GRIP1: variants seen among roughly 807,000 people sequenced by gnomAD.
GRIP1 encodes the protein glutamate receptor-interacting protein 1.
A neutral mutation model predicts 129.9 loss-of-function variants in GRIP1; 45 were observed. The ratio of observed to expected loss-of-function variants is 0.35; its 90% CI spans 0.27 to 0.44. The LOEUF is 0.44. Among genes scored for constraint, GRIP1 ranks in the 20% least tolerant of loss-of-function variants. The pLI is 1.00. For missense variants in GRIP1, 1,196 were observed against 1,396.8 expected (o/e 0.86, Z 2.29); for synonymous variants, 530 against 520.8 (o/e 1.02, Z -0.24).
At chr12:66,565,769 T>G (rs1256549114) in intron 2 of GRIP1, among the ~76,000 whole-genome samples, 1 of 152,166 alleles carries the variant, frequency 6.6e-6, no homozygotes, top group African/African-American at 2.4e-5. Flanking sequence ...ATGGAATGTT[T>G]TTCCATTTGT....
At chr12:66,603,750 G>A (rs910007041) in intron 1 of GRIP1, among the ~76,000 whole-genome samples, 1 of 152,180 alleles carries the variant, frequency 6.6e-6, no homozygotes, top group African/African-American at 2.4e-5. Context: ...AAATGGAAAG[G>A]AAACTGTTGT....
At chr12:66,630,286 T>G (rs926623212) in intron 1 of GRIP1, 1 of 151,812 alleles carries the variant, frequency 6.6e-6, no homozygotes, top group African/African-American at 2.4e-5. Context: ...GAGGCAGAGG[T>G]TGAACCAGGA....
At chr12:66,611,240 A>C (rs1254103153) in intron 1 of GRIP1, among the ~76,000 whole-genome samples, 1 of 152,204 alleles carries the variant, frequency 6.6e-6, no homozygotes, top group Non-Finnish European at 1.5e-5. Context: ...TCCTGTCAGC[A>C]TCTTCCCTCT....
chr12:66,844,395 C>T (rs1566048281), intron 1 of GRIP1, among the ~76,000 whole-genome samples: 1 of 152,132 alleles, frequency 6.6e-6, no homozygotes. Flanking sequence ...TGAGATACCA[C>T]CTTGGACCCA....
At chr12:66,933,289 T>C (rs776760664) in intron 1 of GRIP1, among the ~76,000 whole-genome samples, 3 of 152,152 alleles carry the variant, frequency 2.0e-5, no homozygotes, top group Non-Finnish European at 2.9e-5. Flanking sequence ...TTCAGGATCA[T>C]CAACACATTA....
chr12:66,762,222 T>C (rs2136675013), intron 1 of GRIP1, among the ~76,000 whole-genome samples: 1 of 152,280 alleles, frequency 6.6e-6, no homozygotes, highest in East Asian at 1.9e-4. Context: ...AGTATGAACT[T>C]TCCTCAATAG....
rs574950548 is a variant in GRIP1, at chr12:66,711,877, T to C, written c.-419-81541A>G. Among the ~76,000 whole-genome samples, 4 of 152,026 alleles carry C rather than the reference T, an allele frequency of 2.6e-5. No homozygotes were observed. The South Asian group carries it at 8.3e-4, about 32-fold the overall frequency. ...AACACTATGGGTCATAGATCCTAAA[T>C]GAGTAAATCAAATCTAGATCATTTA... On this transcript the variant is annotated intron_variant, in intron 1 of 4. Coordinates refer to the GRIP1 transcript ENST00000538373.
At chr12:66,920,050 GA>G (rs2137355241) in intron 1 of GRIP1, among the ~76,000 whole-genome samples, 1 of 152,164 alleles carries the variant, frequency 6.6e-6, no homozygotes, top group East Asian at 1.9e-4. Context: ...GGTATACCAA[GA>G]AAATGTATGT....
At chr12:66,690,634 G>A (rs2034949228) in intron 1 of GRIP1, among the ~76,000 whole-genome samples, 1 of 151,434 alleles carries the variant, frequency 6.6e-6, no homozygotes, top group Non-Finnish European at 1.5e-5. Context: ...GGGACGTCAA[G>A]TCAGGAGAAC....
chr12:66,640,729 C>A (rs938671538), intron 1 of GRIP1, among the ~76,000 whole-genome samples: 3 of 152,122 alleles, frequency 2.0e-5, no homozygotes, highest in Non-Finnish European at 4.4e-5. Context: ...GAGAATTATT[C>A]AAAGAATTAA....
At chr12:66,507,782 T>TC (rs398116540) in intron 7 of GRIP1, among the ~76,000 whole-genome samples, 1 of 149,042 alleles carries the variant, frequency 6.7e-6, no homozygotes, top group African/African-American at 2.5e-5. Flanking sequence ...TTTCTTTCTT[T>TC]TTTTTTACAG....
At chr12:66,683,825 G>A (rs11176377), upstream of GRIP1, among the ~76,000 whole-genome samples, 219 of 152,322 alleles carry the variant, frequency 1.4e-3, 5 homozygotes, top group East Asian at 0.031. Flanking sequence ...GATAGAATAT[G>A]TAGAAATTGA....
intron 1 of GRIP1, among the ~76,000 whole-genome samples, chr12:66,794,784 T>C (rs1416148835): frequency 1.3e-5 from 2 of 152,172 alleles, no homozygotes; most frequent in African/African-American, 2.4e-5. Context: ...CAAATAGTGC[T>C]AAAAACACCA....
intron 1 of GRIP1, among the ~76,000 whole-genome samples, chr12:66,916,609 T>C (rs1473006524): frequency 6.6e-6 from 1 of 152,088 alleles, no homozygotes; most frequent in Non-Finnish European, 1.5e-5. Context: ...GCAAAATGTA[T>C]CTACCATTAC....
chr12:66,632,958 C>G (rs76230598), intron 1 of GRIP1, among the ~76,000 whole-genome samples: 4,711 of 152,018 alleles, frequency 0.031, 82 homozygotes, highest in Middle Eastern at 0.054. Context: ...GCTTAAGGCC[C>G]AGTGAGGGCA....
rs113084886 is a variant in GRIP1, at chr12:66,409,919, C to T, written c.1839-3491G>A. Reference sequence around the variant, plus strand: ...ATGCAATTGACACACTAAAAAAATGCATCAGAGTCTCTTAACAACAGAATT... The same window carrying T: ...ATGCAATTGACACACTAAAAAAATGTATCAGAGTCTCTTAACAACAGAATT... On this transcript the variant is annotated intron_variant, in intron 15 of 24. Coordinates refer to ENST00000359742, the MANE Select transcript of GRIP1 (RefSeq NM_001366722.1). 3.2e-3 allele frequency among the ~76,000 whole-genome samples: 488 copies of T among 152,254 alleles called. 2 individuals carry two copies. The highest frequency in any genetic ancestry group is 5.6e-3 in the Non-Finnish European group (381 of 68,000).
chr12:66,742,637 TAA>T (rs111228915), intron 1 of GRIP1, among the ~76,000 whole-genome samples: 1 of 148,196 alleles, frequency 6.7e-6, no homozygotes, highest in Non-Finnish European at 1.5e-5. Context: ...AGAAAAATGT[TAA>T]AAAAAAAAGT....
chr12:66,515,863 G>T, intron 6 of GRIP1, 99 bp from the exon 7 acceptor site: 1 of 912,882 alleles, frequency 1.1e-6, no homozygotes. Context: ...CACATATTCT[G>T]CCATCCATCT....
chr12:66,898,734 C>A (rs974451555), intron 1 of GRIP1, among the ~76,000 whole-genome samples: 1 of 152,144 alleles, frequency 6.6e-6, no homozygotes, highest in African/African-American at 2.4e-5. Context: ...TTACAGATTT[C>A]TTTTTATGAC....
Sources: gnomAD v4.1 joint callset for allele counts (sites outside exome capture counted in the v4.1 genomes callset) on GRCh38, gnomAD v4.1.1 for gene constraint, MANE v1.5 for transcripts, NCBI Gene and HGNC (gene_info 2026-07-23, HGNC 2026-07-21) for gene names.